The following FSHR variants were observed in gnomAD, a reference collection of about 807,000 sequenced individuals.
FSHR encodes the protein follicle-stimulating hormone receptor.
In FSHR, 46 loss-of-function variants were observed where a neutral mutation model predicts 52.1. The ratio of observed to expected loss-of-function variants is 0.88; its 90% CI spans 0.70 to 1.13. The LOEUF (loss-of-function observed/expected upper bound fraction) is 1.13, where lower values mean the gene tolerates loss of function less well. Ranked by LOEUF, FSHR falls within the 50% of genes most tolerant of loss-of-function variation. FSHR has a pLI of 0.00. For missense variants in FSHR, 964 were observed against 834.6 expected (o/e 1.16, Z -1.91); for synonymous variants, 399 against 309.6 (o/e 1.29, Z -3.03).
intron 8 of FSHR, among the ~76,000 whole-genome samples, chr2:48,977,997 G>A (rs548121111): frequency 9.8e-5 from 15 of 152,292 alleles, no homozygotes; most frequent in African/African-American, 2.9e-4. Context: ...TATTCAGATA[G>A]TGAGTAGTTT....
chr2:49,056,700 T>C (rs932815199), intron 2 of FSHR, among the ~76,000 whole-genome samples: 1 of 151,928 alleles, frequency 6.6e-6, no homozygotes, highest in Non-Finnish European at 1.5e-5. Context: ...AGCTGCAGGA[T>C]ACAAATTCTC....
chr2:49,084,316 T>C (rs1328808483), intron 1 of FSHR, among the ~76,000 whole-genome samples: 2 of 151,832 alleles, frequency 1.3e-5, no homozygotes, highest in African/African-American at 4.8e-5. Flanking sequence ...AGACACAACA[T>C]ACCAGAATCT....
chr2:49,075,289 C>T (rs571197069), intron 1 of FSHR, among the ~76,000 whole-genome samples: 2 of 152,036 alleles, frequency 1.3e-5, no homozygotes, highest in African/African-American at 4.8e-5. Flanking sequence ...CACTATGCTC[C>T]CCATAAATAT....
At position 49,060,316 on chromosome 2, in the gene FSHR, G is replaced by C. The variant is rs72877883; in HGVS notation, c.224+7903C>G. ...AACACTGCAAATACAACTACCATAT[G>C]ATCCCATTAGGTATTAGCAAAAGGA... is the stretch of plus-strand genomic sequence containing the variant. On this transcript the variant is annotated intron_variant, in intron 2 of 9. Coordinates refer to ENST00000406846, the MANE Select transcript of FSHR (RefSeq NM_000145.4). Among the ~76,000 whole-genome samples, 518 of 152,108 alleles carry C rather than the reference G, an allele frequency of 3.4e-3. 3 individuals carry two copies. Among genetic ancestry groups the C allele is most frequent in the African/African-American group, 0.012 (505 of 41,498 alleles).
At chr2:48,979,836 C>T (rs761027822) in intron 8 of FSHR, among the ~76,000 whole-genome samples, 2 of 151,842 alleles carry the variant, frequency 1.3e-5, no homozygotes, top group East Asian at 1.9e-4. Context: ...TGTGTGGGAG[C>T]GGGGACTGCA....
intron 2 of FSHR, among the ~76,000 whole-genome samples, chr2:49,022,932 C>T (rs113416996): frequency 0.012 from 1,885 of 152,250 alleles, 44 homozygotes; most frequent in African/African-American, 0.042. Context: ...AATGCAGATT[C>T]TCATTGGGAA....
At chr2:48,987,627 TA>T (rs1334800878) in intron 6 of FSHR, among the ~76,000 whole-genome samples, 1 of 152,272 alleles carries the variant, frequency 6.6e-6, no homozygotes, top group East Asian at 1.9e-4. Flanking sequence ...AAGCCCATTT[TA>T]AAAACAACCT....
intron 4 of FSHR, among the ~76,000 whole-genome samples, chr2:49,011,754 G>A (rs964851521): frequency 5.3e-5 from 8 of 152,088 alleles, no homozygotes; most frequent in Non-Finnish European, 1.0e-4. Context: ...GCCCAGACAG[G>A]TGCCACTGGA....
intron 1 of FSHR, among the ~76,000 whole-genome samples, chr2:49,112,649 A>G (rs371915201): frequency 3.5e-4 from 53 of 152,290 alleles, no homozygotes; most frequent in African/African-American, 1.3e-3. Flanking sequence ...AGAGAGTGTT[A>G]GATGTGAAGA....
chr2:49,013,383 C>G (rs1044625724), intron 4 of FSHR, among the ~76,000 whole-genome samples: 1 of 147,318 alleles, frequency 6.8e-6, no homozygotes, highest in African/African-American at 2.5e-5. Context: ...TAGAGGGCCA[C>G]CTATGAGTTT....
chr2:49,145,671 A>G (rs1672844578), intron 1 of FSHR, among the ~76,000 whole-genome samples: 1 of 152,106 alleles, frequency 6.6e-6, no homozygotes, highest in Admixed American at 6.6e-5. Context: ...TGCAAGTAAG[A>G]GCAAGGAAAA....
chr2:49,031,485 C>T (rs569144028), intron 2 of FSHR, among the ~76,000 whole-genome samples: 9 of 152,110 alleles, frequency 5.9e-5, no homozygotes, highest in African/African-American at 1.7e-4. Flanking sequence ...TTTTTCAACA[C>T]GTAAAGTAAC....
chr2:49,028,707 C>G (rs1486453272), intron 2 of FSHR, among the ~76,000 whole-genome samples: 1 of 152,154 alleles, frequency 6.6e-6, no homozygotes, highest in African/African-American at 2.4e-5. Flanking sequence ...TATTTCAGGC[C>G]TGGTCCTTCA....
chr2:49,100,771 G>A (rs891055714), intron 1 of FSHR, among the ~76,000 whole-genome samples: 2 of 152,166 alleles, frequency 1.3e-5, no homozygotes, highest in East Asian at 3.9e-4. Flanking sequence ...ATTATTCTAG[G>A]TTTCTATCAC....
At chr2:49,111,112 G>T (rs561965326) in intron 1 of FSHR, among the ~76,000 whole-genome samples, 1 of 152,292 alleles carries the variant, frequency 6.6e-6, no homozygotes, top group Admixed American at 6.5e-5. Flanking sequence ...GATTAGTTCA[G>T]TTGTCACTAT....
intron 2 of FSHR, among the ~76,000 whole-genome samples, chr2:49,026,605 A>G (rs1424315649): frequency 6.6e-6 from 1 of 152,188 alleles, no homozygotes; most frequent in Non-Finnish European, 1.5e-5. Context: ...AAGATGGTAA[A>G]TATTACTGCC....
intron 1 of FSHR, among the ~76,000 whole-genome samples, chr2:49,087,903 A>G (rs753710633): frequency 6.6e-6 from 1 of 152,242 alleles, no homozygotes; most frequent in Non-Finnish European, 1.5e-5. Context: ...AGATATGTGT[A>G]GTCTAATAAC....
chr2:49,112,633 T>C (rs1178866380), intron 1 of FSHR, among the ~76,000 whole-genome samples: 1 of 152,174 alleles, frequency 6.6e-6, no homozygotes, highest in Non-Finnish European at 1.5e-5. Context: ...TTTGTGAGTA[T>C]ATTAAAGAGA....
At chr2:49,132,642 T>A (rs1362586203) in intron 1 of FSHR, among the ~76,000 whole-genome samples, 1 of 152,072 alleles carries the variant, frequency 6.6e-6, no homozygotes, top group African/African-American at 2.4e-5. Flanking sequence ...TTCATTGCAA[T>A]AACATTTATT....
Sources: allele counts gnomAD v4.1 joint callset (sites outside exome capture counted in the v4.1 genomes callset), GRCh38; gene constraint gnomAD v4.1.1; transcripts MANE v1.5; gene names NCBI Gene and HGNC (gene_info 2026-07-23, HGNC 2026-07-21).